FGF12: variants seen among roughly 807,000 people sequenced by gnomAD.
FGF12 encodes the protein fibroblast growth factor 12B.
Under a neutral mutation model 23.6 loss-of-function variants are expected in FGF12, and 14 were observed. That is an observed-to-expected ratio of 0.59 (90% confidence interval 0.39 to 0.93). FGF12 has a LOEUF of 0.93. Ranked by LOEUF, FGF12 falls within the 40% of genes least tolerant of loss-of-function variation. The pLI is 0.00. For missense variants in FGF12, 175 were observed against 217.8 expected (o/e 0.80, Z 1.24); for synonymous variants, 62 against 77.3 (o/e 0.80, Z 1.04).
intron 2 of FGF12, among the ~76,000 whole-genome samples, chr3:192,376,806 G>T: frequency 6.6e-6 from 1 of 152,038 alleles, no homozygotes; most frequent in Admixed American, 6.5e-5. Context: ...TCTACAACTT[G>T]GGGGTATGAA....
intron 2 of FGF12, among the ~76,000 whole-genome samples, chr3:192,565,591 C>T (rs150835771): frequency 4.2e-3 from 641 of 152,236 alleles, no homozygotes; most frequent in Non-Finnish European, 6.5e-3. Context: ...TTTTTGTAGC[C>T]TAGGAGCCAT....
At chr3:192,358,596 C>A (rs914250334) in intron 3 of FGF12, among the ~76,000 whole-genome samples, 1 of 151,646 alleles carries the variant, frequency 6.6e-6, no homozygotes, top group Non-Finnish European at 1.5e-5. Flanking sequence ...TAGCAGTTCA[C>A]CCAGCGTCAG....
At chr3:192,392,563 T>A (rs1265940832) in intron 2 of FGF12, among the ~76,000 whole-genome samples, 1 of 137,022 alleles carries the variant, frequency 7.3e-6, no homozygotes, top group East Asian at 2.1e-4. Flanking sequence ...GCCATTGCAC[T>A]CCAGCCTGGG....
chr3:192,280,817 G>C (rs1321939294), intron 4 of FGF12, among the ~76,000 whole-genome samples: 1 of 152,096 alleles, frequency 6.6e-6, no homozygotes, highest in Non-Finnish European at 1.5e-5. Context: ...CTAAAATATT[G>C]TAATTTTTAG....
At chr3:192,353,102 TG>T (rs1718298955) in intron 3 of FGF12, among the ~76,000 whole-genome samples, 1 of 152,202 alleles carries the variant, frequency 6.6e-6, no homozygotes, top group South Asian at 2.1e-4. Context: ...TATCTGAATT[TG>T]TATAAATCAG....
intron 4 of FGF12, among the ~76,000 whole-genome samples, chr3:192,326,390 C>A (rs995282690): frequency 3.9e-5 from 6 of 152,166 alleles, no homozygotes; most frequent in African/African-American, 1.2e-4. Context: ...CTCCCATCAT[C>A]TACCTTGTGG....
intron 2 of FGF12, among the ~76,000 whole-genome samples, chr3:192,391,804 G>A (rs1383178210): frequency 6.6e-6 from 1 of 152,182 alleles, no homozygotes; most frequent in African/African-American, 2.4e-5. Flanking sequence ...ATGTTTCTCT[G>A]ACATGTCAGT....
intron 2 of FGF12, among the ~76,000 whole-genome samples, chr3:192,575,574 A>G (rs1712837440): frequency 6.6e-6 from 1 of 152,164 alleles, no homozygotes; most frequent in Non-Finnish European, 1.5e-5. Flanking sequence ...GCCTCCCACT[A>G]GGGCTTCCAT....
intron 2 of FGF12, among the ~76,000 whole-genome samples, chr3:192,530,624 T>C (rs1294939960): frequency 6.6e-6 from 1 of 152,218 alleles, no homozygotes; most frequent in East Asian, 1.9e-4. Context: ...GGACTTTTAG[T>C]AGAAAGCTTT....
intron 2 of FGF12, among the ~76,000 whole-genome samples, chr3:192,415,848 G>A (rs906688081): frequency 1.3e-5 from 2 of 150,920 alleles, no homozygotes; most frequent in South Asian, 4.2e-4. Context: ...AAATGAGTAG[G>A]CAACTTTAAA....
At chr3:192,614,177 T>TC (rs1714660770) in intron 2 of FGF12, among the ~76,000 whole-genome samples, 1 of 151,896 alleles carries the variant, frequency 6.6e-6, no homozygotes, top group African/African-American at 2.4e-5. Context: ...AATTTTTATT[T>TC]CCTTTTTTTT....
At chr3:192,688,235 G>A (rs777892528) in intron 2 of FGF12, among the ~76,000 whole-genome samples, 1 of 151,286 alleles carries the variant, frequency 6.6e-6, no homozygotes, top group Non-Finnish European at 1.5e-5. Context: ...CCAGCTTTCT[G>A]AGCCAATGAG....
chr3:192,221,557 C>T (rs1374461058), intron 4 of FGF12, among the ~76,000 whole-genome samples: 1 of 152,106 alleles, frequency 6.6e-6, no homozygotes. Flanking sequence ...TCATGAATAA[C>T]CAACTGCTTG....
chr3:192,174,948 A>G (rs1332221841), intron 4 of FGF12, among the ~76,000 whole-genome samples: 1 of 152,222 alleles, frequency 6.6e-6, no homozygotes, highest in Non-Finnish European at 1.5e-5. Flanking sequence ...ATAGCAGGAA[A>G]AATGCAATGA....
chr3:192,160,709 C>T lies in FGF12; in HGVS notation c.427+9749G>A, dbSNP rs769748018. 1.1e-4 allele frequency among the ~76,000 whole-genome samples: 16 copies of T among 152,224 alleles called. No homozygotes were observed. The East Asian group carries it at 1.7e-3, about 17-fold the overall frequency. ...GTGTCCCCATTAGTACAGTGAAAGA[C>T]GCTTAGTAGATGTTTCATAGTTATG... is the stretch of plus-strand genomic sequence containing the variant. On this transcript the variant is annotated intron_variant, in intron 5 of 5. Coordinates refer to ENST00000445105, the MANE Select transcript of FGF12 (RefSeq NM_004113.6).
At chr3:192,652,224 A>G (rs1421709641) in intron 2 of FGF12, among the ~76,000 whole-genome samples, 6 of 152,226 alleles carry the variant, frequency 3.9e-5, no homozygotes, top group Non-Finnish European at 8.8e-5. Flanking sequence ...AACCCATTGA[A>G]CAATTCATCA....
intron 2 of FGF12, among the ~76,000 whole-genome samples, chr3:192,503,595 G>C (rs1577023128): frequency 1.8e-5 from 2 of 111,564 alleles, no homozygotes; most frequent in Non-Finnish European, 3.4e-5. Context: ...TTTGGTGTGT[G>C]TGTGTGTGTT....
chr3:192,407,804 T>C (rs994451916), intron 2 of FGF12, among the ~76,000 whole-genome samples: 1 of 152,224 alleles, frequency 6.6e-6, no homozygotes, highest in Non-Finnish European at 1.5e-5. Flanking sequence ...ATTCTTCTCC[T>C]GGTCAAACCC....
rs370317111 is a variant in FGF12 at position 192,537,950 on chromosome 3, C to CTTTTTTTTTTTTTTTTTTTTTTTTTTT, written c.14-177413_14-177412insAAAAAAAAAAAAAAAAAAAAAAAAAAA. On this transcript the variant is annotated intron_variant, in intron 2 of 5. Coordinates refer to ENST00000445105, the MANE Select transcript of FGF12 (RefSeq NM_004113.6). ...AAGGTCTTAGATTTAAGCCTTTAAC[C>CTTTTTTTTTTTTTTTTTTTTTTTTTTT]TTTTTTTTTTTTTGAGATGGAGTTT... Among the ~76,000 whole-genome samples, 122 of 121,290 alleles carry CTTTTTTTTTTTTTTTTTTTTTTTTTTT rather than the reference C, an allele frequency of 1.0e-3. 8 individuals are homozygous for CTTTTTTTTTTTTTTTTTTTTTTTTTTT. Among genetic ancestry groups the CTTTTTTTTTTTTTTTTTTTTTTTTTTT allele is most frequent in the African/African-American group, 2.3e-3 (79 of 33,666 alleles). 79.6% of individuals were successfully genotyped at this position (121,290 alleles called of 152,430 possible). A position where few individuals can be genotyped will look rare whatever the true frequency, so the allele number is the denominator to read the frequency against.
Sources: allele counts gnomAD v4.1 joint callset (sites outside exome capture counted in the v4.1 genomes callset), GRCh38; gene constraint gnomAD v4.1.1; transcripts MANE v1.5; gene names NCBI Gene and HGNC (gene_info 2026-07-23, HGNC 2026-07-21).